IDO2: variants seen among roughly 807,000 people sequenced by gnomAD.
IDO2 encodes indoleamine 2,3-dioxygenase-like 1 protein.
In IDO2, 46 loss-of-function variants were observed where a neutral mutation model predicts 45.1. That is an observed-to-expected ratio of 1.02 (90% confidence interval 0.80 to 1.30). IDO2 has a LOEUF of 1.30. Among genes scored for constraint, IDO2 ranks in the 50% most tolerant of loss-of-function variants. IDO2 has a pLI of 0.00. For missense variants in IDO2, 544 were observed against 491.8 expected, an observed-to-expected ratio of 1.11 and a Z score of -1.00; for synonymous variants, 218 against 184.9, an observed-to-expected ratio of 1.18 and a Z score of -1.45.
rs112393379 is a variant in IDO2 at position 39,969,732 on chromosome 8, A to G, written c.195+6029A>G. On this transcript the variant is annotated intron_variant, in intron 3 of 10. Transcript: ENST00000502986. Reference sequence around the variant, plus strand: ...TTGACTAAAAATGCAAAAATTAGCCAGGCATGGTGGTGCACACCTGTAATC... The same window carrying G: ...TTGACTAAAAATGCAAAAATTAGCCGGGCATGGTGGTGCACACCTGTAATC... 1.6e-3 allele frequency among the ~76,000 whole-genome samples: 241 copies of G among 152,306 alleles called. 2 individuals carry two copies. The highest frequency in any genetic ancestry group is 5.5e-3 in the African/African-American group (229 of 41,564).
intron 1 of IDO2, among the ~76,000 whole-genome samples, chr8:39,944,821 A>G (rs996065829): frequency 3.3e-5 from 5 of 152,188 alleles, no homozygotes; most frequent in African/African-American, 1.2e-4. Flanking sequence ...GGCTGAGAGA[A>G]TTTTGAGCGA....
At chr8:39,954,968 C>G (rs1807868922) in intron 2 of IDO2, among the ~76,000 whole-genome samples, 1 of 151,436 alleles carries the variant, frequency 6.6e-6, no homozygotes, top group African/African-American at 2.4e-5. Context: ...CCCCCTGTCT[C>G]TTTGTGTCCA....
intron 10 of IDO2, 67 bp from the exon 11 acceptor site, chr8:40,015,180 A>G (rs1004390328): frequency 7.4e-6 from 7 of 948,148 alleles, no homozygotes; most frequent in Non-Finnish European, 1.1e-5. Flanking sequence ...AAAAAGAAGA[A>G]GAAGCAGACG....
chr8:40,007,679 C>G (rs1251095102), intron 9 of IDO2, among the ~76,000 whole-genome samples: 1 of 152,194 alleles, frequency 6.6e-6, no homozygotes, highest in South Asian at 2.1e-4. Flanking sequence ...CTTCACATTG[C>G]TCTCTAAATC....
intron 8 of IDO2, among the ~76,000 whole-genome samples, chr8:40,004,299 G>A (rs1802182270): frequency 6.6e-6 from 1 of 152,114 alleles, no homozygotes; most frequent in Admixed American, 6.5e-5. Context: ...TTAGGGAGCA[G>A]GAAGAAGAAA....
chr8:39,989,190 CTT>C (rs1330563966), intron 7 of IDO2, among the ~76,000 whole-genome samples: 2 of 152,050 alleles, frequency 1.3e-5, no homozygotes, highest in African/African-American at 2.4e-5. Context: ...CTGCCAAACA[CTT>C]TTATACAATC....
intron 2 of IDO2, among the ~76,000 whole-genome samples, chr8:39,959,304 C>G (rs942314391): frequency 5.2e-4 from 78 of 150,868 alleles, no homozygotes; most frequent in Non-Finnish European, 9.5e-4. Context: ...TTAGGAGAGA[C>G]GGGGTTTCAC....
intron 2 of IDO2, among the ~76,000 whole-genome samples, chr8:39,960,304 G>A (rs980988842): frequency 3.4e-5 from 5 of 148,624 alleles, no homozygotes; most frequent in African/African-American, 1.2e-4. Context: ...TCCATAAAAA[G>A]TGAACTCCTT....
chr8:40,001,907 T>C (rs1802143782), intron 8 of IDO2, among the ~76,000 whole-genome samples: 1 of 152,128 alleles, frequency 6.6e-6, no homozygotes, highest in Non-Finnish European at 1.5e-5. Context: ...TGCCTCAGCC[T>C]CCCAAGTAGC....
chr8:40,014,575 A>T (rs1007981419), intron 10 of IDO2, among the ~76,000 whole-genome samples: 2 of 152,232 alleles, frequency 1.3e-5, no homozygotes, highest in African/African-American at 4.8e-5. Context: ...GTATTCAGCT[A>T]GTCAGTTCAA....
intron 2 of IDO2, among the ~76,000 whole-genome samples, chr8:39,955,347 T>G (rs891830659): frequency 1.3e-5 from 2 of 148,786 alleles, no homozygotes; most frequent in African/African-American, 4.9e-5. Flanking sequence ...CTCTGCCTCC[T>G]GGGTTCAAGT....
intron 2 of IDO2, among the ~76,000 whole-genome samples, chr8:39,962,628 C>G (rs1397418546): frequency 1.3e-5 from 2 of 152,080 alleles, no homozygotes; most frequent in African/African-American, 2.4e-5. Flanking sequence ...ATTTATTAAG[C>G]AAAAGGGGAG....
chr8:39,954,562 G>A (rs2543082), intron 2 of IDO2, among the ~76,000 whole-genome samples: 28,310 of 151,252 alleles, frequency 0.19, 2,632 homozygotes, highest in East Asian at 0.26. Flanking sequence ...CTGATGTCTT[G>A]CTCCTTGGCT....
chr8:40,009,405 A>T (rs2981149), intron 9 of IDO2, among the ~76,000 whole-genome samples: 82,822 of 151,098 alleles, frequency 0.55, 23,092 homozygotes, highest in Middle Eastern at 0.65. Context: ...TAGTTCCCAC[A>T]CACATTCAAT....
intron 3 of IDO2, among the ~76,000 whole-genome samples, chr8:39,971,511 A>C (rs1055789077): frequency 6.6e-6 from 1 of 152,196 alleles, no homozygotes; most frequent in African/African-American, 2.4e-5. Flanking sequence ...TATACTTTGT[A>C]AGGCTATTCC....
intron 4 of IDO2, among the ~76,000 whole-genome samples, chr8:39,980,229 C>T (rs557952018): frequency 6.6e-6 from 1 of 152,294 alleles, no homozygotes; most frequent in East Asian, 1.9e-4. Flanking sequence ...AAGAGCCATA[C>T]CGGCCCATTT....
chr8:40,001,958 G>A (rs1294444138), intron 8 of IDO2, among the ~76,000 whole-genome samples: 9 of 151,900 alleles, frequency 5.9e-5, no homozygotes, highest in Admixed American at 5.9e-4. Context: ...TCTAATTTTT[G>A]TATTTTTAGT....
intron 1 of IDO2, among the ~76,000 whole-genome samples, chr8:39,943,425 C>A (rs6474194): frequency 0.42 from 62,977 of 151,208 alleles, 13,246 homozygotes; most frequent in East Asian, 0.59. Context: ...TCCTCAATAC[C>A]ATAAAGGCCA....
intron 6 of IDO2, chr8:39,985,761 A>T: frequency 2.1e-6 from 1 of 472,024 alleles, no homozygotes; most frequent in Non-Finnish European, 3.8e-6. Context: ...CAGTCTGTAC[A>T]TAATAAAACA....
Sources: allele counts gnomAD v4.1 joint callset (sites outside exome capture counted in the v4.1 genomes callset), GRCh38; gene constraint gnomAD v4.1.1; transcripts MANE v1.5; gene names NCBI Gene and HGNC (gene_info 2026-07-23, HGNC 2026-07-21).